The following IGF2BP2 variants were observed in gnomAD, a reference collection of about 807,000 sequenced individuals.
The protein encoded by IGF2BP2 is insulin like growth factor 2 mRNA binding protein 2, also known as insulin-like growth factor 2 mRNA-binding protein 2.
In IGF2BP2, 17 loss-of-function variants were observed where a neutral mutation model predicts 75.8. That is an observed-to-expected ratio of 0.22 (90% CI 0.15 to 0.34). The LOEUF (loss-of-function observed/expected upper bound fraction) is 0.34. Among genes scored for constraint, IGF2BP2 ranks in the 10% least tolerant of loss-of-function variants. IGF2BP2 has a pLI of 1.00. For synonymous variants in IGF2BP2, 288 were observed against 295.6 expected, an observed-to-expected ratio of 0.97 and a Z score of 0.26; for missense variants, 516 against 772.4, an observed-to-expected ratio of 0.67 and a Z score of 3.93.
At chr3:185,769,346 C>T (rs952064434) in intron 2 of IGF2BP2, among the ~76,000 whole-genome samples, 9 of 152,118 alleles carry the variant, frequency 5.9e-5, no homozygotes, top group African/African-American at 2.2e-4. Flanking sequence ...CAGAATGACA[C>T]CCTGTCTCCA....
intron 2 of IGF2BP2, among the ~76,000 whole-genome samples, chr3:185,701,380 AAAAG>A (rs946988671): frequency 6.9e-4 from 104 of 150,774 alleles, no homozygotes; most frequent in East Asian, 1.4e-3. Flanking sequence ...AAAAAAAAAA[AAAAG>A]AAAGAAAGAA....
Position 185,647,133 on chromosome 3 carries a change from G to A in IGF2BP2, c.1599C>T (p.Asn533=), listed in dbSNP as rs755413551. The A allele has an allele frequency of 6.2e-6, 10 of 1,612,788 alleles. No homozygotes were observed. The highest frequency in any genetic ancestry group is 1.3e-5 in the African/African-American group (1 of 75,020). Reference sequence around the variant, plus strand: ...CTGCACTGGTTAAGTTCTGCAGTTCGTTCACCTGTGAAGGGAGAAACGGCA... The same window carrying A: ...CTGCACTGGTTAAGTTCTGCAGTTCATTCACCTGTGAAGGGAGAAACGGCA... The part of the protein sequence containing the change: ...RVIGKGGKTV[N]ELQNLTSAEV... The change falls in exon 15 of 16, where the codon AAC becomes AAT. Residue 533 remains asparagine, a synonymous_variant. Transcript: ENST00000382199. This position sits in a 1 kb window ranked among gnomAD's most constrained non-coding sequence, Gnocchi z 4.9.
chr3:185,681,705 C>T (rs1720411450), intron 7 of IGF2BP2, among the ~76,000 whole-genome samples: 1 of 152,160 alleles, frequency 6.6e-6, no homozygotes, highest in Admixed American at 6.5e-5. Context: ...CAGTGTAGTA[C>T]TGGCATAAAA....
In IGF2BP2 at chr3:185,648,451, G is replaced by A. The variant is rs796622443; in HGVS notation, c.1593+952C>T. Reference sequence around the variant, plus strand: ...GCACTCCAGCCTGGGTGACAAGAGCGAAACTCTGTCTCAAAAAAAAAAAAA... The same window carrying A: ...GCACTCCAGCCTGGGTGACAAGAGCAAAACTCTGTCTCAAAAAAAAAAAAA... On this transcript the variant is annotated intron_variant, in intron 14 of 15. Coordinates refer to ENST00000382199, the MANE Select transcript of IGF2BP2 (RefSeq NM_006548.6). 3.7e-3 allele frequency among the ~76,000 whole-genome samples: 463 copies of A among 124,048 alleles called. 3 individuals carry two copies. The highest frequency in any genetic ancestry group is 0.013 in the African/African-American group (424 of 32,074). The allele number at this position is 124,048 out of a possible 152,430, so 81.4% of individuals were successfully genotyped here.
At chr3:185,720,573 A>G (rs1239144865) in intron 2 of IGF2BP2, among the ~76,000 whole-genome samples, 1 of 152,214 alleles carries the variant, frequency 6.6e-6, no homozygotes. Flanking sequence ...AGCACTGGAA[A>G]TGAAGCTTGT....
At chr3:185,685,658 C>G (rs543133687) in intron 7 of IGF2BP2, among the ~76,000 whole-genome samples, 1 of 152,028 alleles carries the variant, frequency 6.6e-6, no homozygotes, top group South Asian at 2.1e-4. Flanking sequence ...TCTACTTTTT[C>G]TTTTTTTAGG....
Position 185,645,261 on chromosome 3 carries a change from T to A in IGF2BP2, c.*270A>T. The A allele has an allele frequency of 1.9e-6, 1 of 518,216 alleles. No homozygotes were observed. The highest frequency in any genetic ancestry group is 1.9e-5 in the African/African-American group (1 of 52,522). 32.1% of individuals were successfully genotyped at this position (518,216 alleles called of 1,614,324 possible). ...GGAGTTCAGGAGAGATCCGAGTGGA[T>A]GGTGAAGTGGATGGCTGAAGCCTGC... On this transcript the variant is annotated 3_prime_UTR_variant, in exon 16 of 16. Transcript: ENST00000382199. The surrounding 1 kb of genome is among the most constrained non-coding windows in gnomAD (Gnocchi z 4.9).
chr3:185,823,068 G>A (rs1741568293), intron 2 of IGF2BP2, 85 bp downstream of exon 2: 5 of 798,830 alleles, frequency 6.3e-6, no homozygotes, highest in Middle Eastern at 3.7e-4. Context: ...AAACTACCAA[G>A]AGCACGTTTT....
intron 2 of IGF2BP2, among the ~76,000 whole-genome samples, chr3:185,773,562 T>TA (rs552662349): frequency 6.6e-6 from 1 of 152,154 alleles, no homozygotes; most frequent in African/African-American, 2.4e-5. Context: ...CAGAACAAAA[T>TA]AGACTTTAGG....
intron 2 of IGF2BP2, among the ~76,000 whole-genome samples, chr3:185,822,639 A>T (rs569437979): frequency 6.6e-6 from 1 of 152,194 alleles, no homozygotes; most frequent in Non-Finnish European, 1.5e-5. Flanking sequence ...CTGCCATCCA[A>T]TCCAAACAAC....
chr3:185,671,509 C>T (rs1028024963), intron 10 of IGF2BP2, among the ~76,000 whole-genome samples: 1 of 147,830 alleles, frequency 6.8e-6, no homozygotes, highest in Non-Finnish European at 1.5e-5. Context: ...TGCACTCCAG[C>T]CTGGCGACAG....
At chr3:185,805,525 G>A (rs951139571) in intron 2 of IGF2BP2, among the ~76,000 whole-genome samples, 8 of 152,108 alleles carry the variant, frequency 5.3e-5, no homozygotes, top group Admixed American at 3.9e-4. Flanking sequence ...CCACGATAAG[G>A]CTTCTGATTT....
intron 10 of IGF2BP2, among the ~76,000 whole-genome samples, chr3:185,665,245 AAGAAGG>A (rs1252366726): frequency 8.6e-6 from 1 of 116,800 alleles, no homozygotes; most frequent in Admixed American, 8.5e-5. Context: ...GGAGAAGGAG[AAGAAGG>A]AGAAGGAGGA....
intron 2 of IGF2BP2, among the ~76,000 whole-genome samples, chr3:185,806,391 C>A (rs73175579): frequency 0.024 from 3,688 of 152,218 alleles, 59 homozygotes; most frequent in Non-Finnish European, 0.031. Flanking sequence ...AAGCATCTAT[C>A]TATCCTAAAG....
intron 2 of IGF2BP2, among the ~76,000 whole-genome samples, chr3:185,739,873 G>A (rs1162938770): frequency 5.5e-4 from 4 of 7,280 alleles, no homozygotes; most frequent in African/African-American, 1.9e-3. Flanking sequence ...CCCCCACCCC[G>A]AGACAAGGTC....
At chr3:185,798,232 G>A (rs1346412524) in intron 2 of IGF2BP2, among the ~76,000 whole-genome samples, 3 of 152,070 alleles carry the variant, frequency 2.0e-5, no homozygotes, top group African/African-American at 2.4e-5. Context: ...GGAAAAACAC[G>A]CCCACATTCT....
chr3:185,710,603 G>A (rs1422326143), intron 2 of IGF2BP2, among the ~76,000 whole-genome samples: 1 of 151,968 alleles, frequency 6.6e-6, no homozygotes, highest in Non-Finnish European at 1.5e-5. Flanking sequence ...CGTGGTGGAG[G>A]GCGCCTGTAG....
rs564488791 is a variant in IGF2BP2 at position 185,672,719 on chromosome 3, C to T, written c.1072-50G>A. 3.7e-6 allele frequency: 6 copies of T among 1,609,076 alleles called. No individual in the cohort carries two copies. The South Asian group carries it at 5.5e-5, about 15-fold the overall frequency. On this transcript the variant is annotated intron_variant, in intron 9 of 15. Coordinates refer to ENST00000382199, the MANE Select transcript of IGF2BP2 (RefSeq NM_006548.6). ...GATGAAGGGAGGAGACCAGAGAGGC[C>T]CGCACGCCTGGGTCAACCTCCCTCT...
chr3:185,707,049 A>G (rs1326900670), intron 2 of IGF2BP2, among the ~76,000 whole-genome samples: 1 of 151,786 alleles, frequency 6.6e-6, no homozygotes, highest in Non-Finnish European at 1.5e-5. Flanking sequence ...GAGATTCAGT[A>G]TTTTAGTTCT....
Sources: allele counts gnomAD v4.1 joint callset (sites outside exome capture counted in the v4.1 genomes callset), GRCh38; gene constraint gnomAD v4.1.1; non-coding constraint Gnocchi (gnomAD v3.1); transcripts MANE v1.5; gene names NCBI Gene and HGNC (gene_info 2026-07-23, HGNC 2026-07-21).